WSCD2: variants seen among roughly 807,000 people sequenced by gnomAD.
WSCD2 encodes WSC domain sialate O sulfotransferase 2.
WSCD2 carries 28 observed loss-of-function variants against 55.7 expected under a neutral mutation model. That is an observed-to-expected ratio of 0.50 (90% CI 0.37 to 0.69). WSCD2 has a LOEUF of 0.69. Ranked by LOEUF, WSCD2 falls within the 30% of genes least tolerant of loss-of-function variation. The pLI is 0.00. For missense variants in WSCD2, 616 were observed against 762.1 expected, an observed-to-expected ratio of 0.81 and a Z score of 2.26; for synonymous variants, 301 against 301.9, an observed-to-expected ratio of 1.00 and a Z score of 0.03.
chr12:108,193,961 A>G (rs1037726268), intron 1 of WSCD2, among the ~76,000 whole-genome samples: 2 of 152,236 alleles, frequency 1.3e-5, no homozygotes, highest in African/African-American at 4.8e-5. Flanking sequence ...TTAGGAGAGT[A>G]TGTTACAATT....
At chr12:108,159,152 C>A (rs141588133) in intron 1 of WSCD2, among the ~76,000 whole-genome samples, 345 of 152,320 alleles carry the variant, frequency 2.3e-3, no homozygotes, top group African/African-American at 7.6e-3. Flanking sequence ...CCTGGTTGTT[C>A]CTCCATCTGG....
At chr12:108,185,578 T>C (rs909941937) in intron 1 of WSCD2, among the ~76,000 whole-genome samples, 1 of 152,166 alleles carries the variant, frequency 6.6e-6, no homozygotes, top group Non-Finnish European at 1.5e-5. Context: ...AGAAATGTAT[T>C]TGACATTGTG....
chr12:108,201,231 T>C (rs1884627998), intron 2 of WSCD2, among the ~76,000 whole-genome samples: 1 of 152,174 alleles, frequency 6.6e-6, no homozygotes, highest in African/African-American at 2.4e-5. Context: ...CTCTGTTCCA[T>C]GCCTTTCTCC....
intron 1 of WSCD2, among the ~76,000 whole-genome samples, chr12:108,177,915 C>G (rs1881112801): frequency 6.6e-6 from 1 of 151,850 alleles, no homozygotes; most frequent in Non-Finnish European, 1.5e-5. Flanking sequence ...GGTGGGTCAC[C>G]TGGGTGTGTA....
Position 108,248,121 on chromosome 12 carries a change from C to T in WSCD2, c.1476C>T (p.Gly492=), listed in dbSNP as rs777227737. 5 of 1,614,198 alleles carry T rather than the reference C, an allele frequency of 3.1e-6. No individual in the cohort carries two copies. Among genetic ancestry groups the T allele is most frequent in the African/African-American group, 1.3e-5 (1 of 75,048 alleles). The part of the protein sequence containing the change: ...DLKQDLFVQL[G]RMVSLLGVAV... The stretch of plus-strand genomic sequence containing the variant: ...AGCAGGACCTCTTTGTCCAGCTGGG[C>T]CGGATGGTCAGCCTGCTGGGCGTGG... Residue 492 remains glycine (G), a synonymous_variant, in exon 9 of 9, where the codon GGC becomes GGT. Coordinates refer to ENST00000547525, the MANE Select transcript of WSCD2 (RefSeq NM_014653.4). The surrounding 1 kb of genome is among the most constrained non-coding windows in gnomAD (Gnocchi z 4.3).
At chr12:108,132,089 G>A (rs2136846222) in intron 1 of WSCD2, among the ~76,000 whole-genome samples, 1 of 152,134 alleles carries the variant, frequency 6.6e-6, no homozygotes, top group East Asian at 1.9e-4. Context: ...TGCACACATG[G>A]GGGAATGATG....
intron 1 of WSCD2, among the ~76,000 whole-genome samples, chr12:108,191,416 A>G (rs1296544713): frequency 1.3e-5 from 2 of 152,118 alleles, no homozygotes; most frequent in African/African-American, 4.8e-5. Context: ...TGACAGATGG[A>G]TGTGGGAGGC....
At chr12:108,179,760 C>A (rs1387433380) in intron 1 of WSCD2, among the ~76,000 whole-genome samples, 4 of 152,238 alleles carry the variant, frequency 2.6e-5, no homozygotes. Context: ...CACTTATGAC[C>A]TGCGTCACCT....
At chr12:108,177,318 G>A (rs996652906) in intron 1 of WSCD2, among the ~76,000 whole-genome samples, 1 of 152,178 alleles carries the variant, frequency 6.6e-6, no homozygotes, top group Non-Finnish European at 1.5e-5. Flanking sequence ...AGCTGGCATG[G>A]TGCCTGGCCC....
chr12:108,151,162 T>A (rs1036598701), intron 1 of WSCD2, among the ~76,000 whole-genome samples: 2 of 152,138 alleles, frequency 1.3e-5, no homozygotes, highest in African/African-American at 4.8e-5. Context: ...TGACCTACCA[T>A]CTACTACAGG....
intron 1 of WSCD2, among the ~76,000 whole-genome samples, chr12:108,163,617 A>G (rs919819436): frequency 5.3e-5 from 8 of 152,166 alleles, no homozygotes; most frequent in Non-Finnish European, 7.4e-5. Context: ...AAGGATCTTC[A>G]TAAGAGGGAG....
intron 1 of WSCD2, among the ~76,000 whole-genome samples, chr12:108,164,431 G>A (rs1362585533): frequency 6.6e-6 from 1 of 151,812 alleles, no homozygotes; most frequent in African/African-American, 2.4e-5. Context: ...TTTGCTTGAT[G>A]TTATTTTTAT....
chr12:108,231,309 G>A (rs1187858061), intron 6 of WSCD2, among the ~76,000 whole-genome samples: 7 of 152,160 alleles, frequency 4.6e-5, no homozygotes, highest in Non-Finnish European at 5.9e-5. Flanking sequence ...CTGCTCCAGC[G>A]CCCCCTGCTC....
chr12:108,201,822 T>C (rs1344216434), intron 2 of WSCD2, among the ~76,000 whole-genome samples: 1 of 152,100 alleles, frequency 6.6e-6, no homozygotes, highest in Admixed American at 6.5e-5. Context: ...AAAGATTAAT[T>C]GTAGCAAAAG....
chr12:108,191,450 G>A (rs1883148205), intron 1 of WSCD2, among the ~76,000 whole-genome samples: 1 of 152,070 alleles, frequency 6.6e-6, no homozygotes, highest in Middle Eastern at 3.2e-3. Flanking sequence ...ATACCTTTGA[G>A]GATATGGGGC....
chr12:108,192,461 C>T (rs78416861), intron 1 of WSCD2, among the ~76,000 whole-genome samples: 4,053 of 152,242 alleles, frequency 0.027, 137 homozygotes, highest in African/African-American at 0.079. Context: ...GCCCATCCCA[C>T]GAGGACTGCT....
rs755385312 is a variant in WSCD2, at chr12:108,206,382, G to T, written c.476G>T (p.Cys159Phe). ...FDYKKMTIFRCQDNCAERGYL... is the reference protein window; with the variant it reads ...FDYKKMTIFRFQDNCAERGYL... ...TACAAAAAGATGACCATCTTCCGTT[G>T]CCAGGACAACTGTGCTGAACGGTAG... The change falls in exon 3 of 9, where the codon TGC becomes TTC. Residue 159 changes from cysteine to phenylalanine, a missense_variant. By Grantham distance (205) the Cys-to-Phe change is radical. Around this residue, in one of 3 missense-constraint regions of WSCD2, gnomAD observed 374 missense variants for 467.4 expected, o/e 0.80. Transcript: ENST00000547525. 6.2e-7 allele frequency: 1 copy of T among 1,614,062 alleles called. No individual in the cohort carries two copies. The highest frequency in any genetic ancestry group is 1.3e-5 in the African/African-American group (1 of 74,906).
At chr12:108,247,508 A>C (rs543166665) in intron 8 of WSCD2, among the ~76,000 whole-genome samples, 1 of 152,282 alleles carries the variant, frequency 6.6e-6, no homozygotes, top group South Asian at 2.1e-4. Flanking sequence ...GGTGAGAAGT[A>C]TCGGGGTGTG....
chr12:108,132,114 T>G (rs1056687229), intron 1 of WSCD2, among the ~76,000 whole-genome samples: 1 of 147,308 alleles, frequency 6.8e-6, no homozygotes, highest in Admixed American at 6.9e-5. Context: ...TGTCAGGGAA[T>G]GCAGTGGACT....
Sources: allele counts gnomAD v4.1 joint callset (sites outside exome capture counted in the v4.1 genomes callset), GRCh38; gene constraint gnomAD v4.1.1; regional missense constraint gnomAD v4.1.1; non-coding constraint Gnocchi (gnomAD v3.1); transcripts MANE v1.5; gene names NCBI Gene and HGNC (gene_info 2026-07-23, HGNC 2026-07-21).